ONECUT3: variants seen among roughly 807,000 people sequenced by gnomAD.
ONECUT3 encodes one cut homeobox 3.
ONECUT3 carries 11 observed loss-of-function variants against 16.8 expected under a neutral mutation model. The observed-to-expected ratio is 0.66, with a 90% CI of 0.41 to 1.09. The LOEUF is 1.09. Ranked by LOEUF, ONECUT3 falls within the 50% of genes least tolerant of loss-of-function variation. ONECUT3 has a pLI of 0.00. For missense variants in ONECUT3, 637 were observed against 629.9 expected (o/e 1.01, Z -0.12); for synonymous variants, 344 against 310.7 (o/e 1.11, Z -1.13).
intron 1 of ONECUT3, among the ~76,000 whole-genome samples, chr19:1,773,945 C>T (rs2068080998): frequency 6.6e-6 from 1 of 152,178 alleles, no homozygotes; most frequent in Non-Finnish European, 1.5e-5. Context: ...TTGCTTTTCT[C>T]CCCTTTGCAA....
At chr19:1,775,126 G>GGGCCGC in intron 1 of ONECUT3, 27 bp from the exon 2 acceptor site, 5 of 1,143,890 alleles carry the variant, frequency 4.4e-6, no homozygotes, top group Non-Finnish European at 4.8e-6. Context: ...TGTCCCGCTC[G>GGGCCGC]CCCGCCCGCC....
At chr19:1,760,075 C>A (rs955734611) in intron 1 of ONECUT3, among the ~76,000 whole-genome samples, 1 of 151,958 alleles carries the variant, frequency 6.6e-6, no homozygotes, top group Admixed American at 6.5e-5. Flanking sequence ...TGCCCACAGC[C>A]CTTCCCCTCC....
At chr19:1,757,373 T>G (rs745971052) in intron 1 of ONECUT3, among the ~76,000 whole-genome samples, 1 of 152,226 alleles carries the variant, frequency 6.6e-6, no homozygotes, top group Non-Finnish European at 1.5e-5. Flanking sequence ...GTCTCAGCTC[T>G]GGGAGTCTGG....
intron 1 of ONECUT3, among the ~76,000 whole-genome samples, chr19:1,769,094 ATG>A (rs1568599453): frequency 7.0e-4 from 56 of 80,286 alleles, no homozygotes; most frequent in African/African-American, 1.9e-3. Context: ...GGTGGAGGTG[ATG>A]GAGGAGGAGA....
chr19:1,753,866 G>A lies in ONECUT3; in HGVS notation c.204G>A (p.Ala68=). The A allele has an allele frequency of 1.0e-6, 1 of 977,046 alleles. No individual in the cohort carries two copies. The highest frequency in any genetic ancestry group is 1.2e-6 in the Non-Finnish European group (1 of 825,238). 60.5% of individuals were successfully genotyped at this position (977,046 alleles called of 1,614,324 possible). Residue 68 remains alanine, a synonymous_variant, in exon 1 of 2, where the codon GCG becomes GCA. Transcript: ENST00000382349. ...GGGGGGGAGG[A]GGAGSAGGGA... is the part of the protein sequence containing the mutation. ...GCGGCGGTGGGGGCGCCGGGGGCGC[G>A]GGCGGCGCGGGCAGCGCGGGCGGCG...
intron 1 of ONECUT3, among the ~76,000 whole-genome samples, chr19:1,765,307 C>T (rs1468258095): frequency 6.6e-6 from 1 of 152,198 alleles, no homozygotes; most frequent in African/African-American, 2.4e-5. Flanking sequence ...CTGGCGTCCA[C>T]TGGGATTCAG....
Position 1,768,313 on chromosome 19 carries a change from A to T in ONECUT3, c.1193-6840A>T, listed in dbSNP as rs573491814. On this transcript the variant is annotated intron_variant, in intron 1 of 1. Transcript: ENST00000382349. ...GGAGGGGACTTGGGGAAGAGCAACCAGGCAGAGAGAACCGTCGTGCAAAGG... is the reference window on the plus strand; with the variant it reads ...GGAGGGGACTTGGGGAAGAGCAACCTGGCAGAGAGAACCGTCGTGCAAAGG... Among the ~76,000 whole-genome samples, 20 of 152,226 alleles carry T rather than the reference A, an allele frequency of 1.3e-4. No homozygotes were observed. The South Asian group carries it at 3.9e-3, about 30-fold the overall frequency.
At chr19:1,774,646 T>C (rs2068087864) in intron 1 of ONECUT3, among the ~76,000 whole-genome samples, 1 of 146,188 alleles carries the variant, frequency 6.8e-6, no homozygotes, top group South Asian at 2.2e-4. Flanking sequence ...TCAATTTCTG[T>C]GGTCCTTTAG....
intron 1 of ONECUT3, among the ~76,000 whole-genome samples, chr19:1,770,413 G>A (rs1055678821): frequency 6.6e-6 from 1 of 151,944 alleles, no homozygotes; most frequent in African/African-American, 2.4e-5. Context: ...CTCCAGCCTG[G>A]GCGACACAGC....
At chr19:1,757,241 C>T (rs1003020321) in intron 1 of ONECUT3, among the ~76,000 whole-genome samples, 72 of 152,368 alleles carry the variant, frequency 4.7e-4, no homozygotes, top group Admixed American at 2.7e-3. Flanking sequence ...TGGGTGTTCG[C>T]TCCTGCCGAC....
In ONECUT3 at chr19:1,778,866, T is replaced by TCTCA. The variant is rs1286026306; in HGVS notation, c.*3422_*3423insTCAC. On this transcript the variant is annotated 3_prime_UTR_variant, in exon 2 of 2. Coordinates refer to ENST00000382349, the MANE Select transcript of ONECUT3 (RefSeq NM_001080488.2). The stretch of plus-strand genomic sequence containing the variant: ...TGGATCCTTTTCAGATATCTTCGTA[T>TCTCA]CACACACACACACACACACACACAC... 11 of 132,458 alleles carry TCTCA rather than the reference T, an allele frequency of 8.3e-5. No homozygotes were observed. Among genetic ancestry groups the TCTCA allele is most frequent in the South Asian group, 2.6e-4 (1 of 3,824 alleles). 8.2% of individuals were successfully genotyped at this position (132,458 alleles called of 1,614,324 possible).
chr19:1,772,546 T>C (rs1435350283), intron 1 of ONECUT3, among the ~76,000 whole-genome samples: 2 of 152,218 alleles, frequency 1.3e-5, no homozygotes, highest in Middle Eastern at 3.4e-3. Flanking sequence ...TATTTGATCA[T>C]CTCTTCCTCT....
At chr19:1,761,113 C>T (rs573313380) in intron 1 of ONECUT3, among the ~76,000 whole-genome samples, 8 of 143,200 alleles carry the variant, frequency 5.6e-5, no homozygotes, top group South Asian at 4.4e-4. Flanking sequence ...AGTGCAGTGG[C>T]GCAACCTCGG....
rs1568605766 is a variant in ONECUT3 at position 1,778,018 on chromosome 19, A to AAAAC, written c.*2573_*2574insAAAC. The AAAAC allele has an allele frequency of 6.8e-6, 1 of 146,396 alleles. No individual in the cohort carries two copies. The highest frequency in any genetic ancestry group is 1.5e-5 in the Non-Finnish European group (1 of 65,616). The allele number at this position is 146,396 out of a possible 1,614,324, so 9.1% of individuals were successfully genotyped here. A position where few individuals can be genotyped will look rare whatever the true frequency, so the allele number is the denominator to read the frequency against. The stretch of plus-strand genomic sequence containing the variant: ...CTCAAAAAAAAAAAAAAAAAAAAAA[A>AAAAC]CTTTAGGTCCAAGAAGATGCACCCC... On this transcript the variant is annotated 3_prime_UTR_variant, in exon 2 of 2. Transcript: ENST00000382349.
Position 1,758,381 on chromosome 19 carries a change from T to C in ONECUT3, c.1192+3527T>C, listed in dbSNP as rs73515177. 0.091 allele frequency among the ~76,000 whole-genome samples: 13,640 copies of C among 149,618 alleles called. 633 individuals carry two copies. Among genetic ancestry groups the C allele is most frequent in the African/African-American group, 0.12 (5,041 of 40,420 alleles). ...CTGGGTGCTGGAGGCTGCCTCTGTG[T>C]CCACCCCCGCCCTCCCACAGCCCCC... On this transcript the variant is annotated intron_variant, in intron 1 of 1. Transcript: ENST00000382349. This position sits in a 1 kb window ranked among gnomAD's most constrained non-coding sequence, Gnocchi z 5.9.
At position 1,755,290 on chromosome 19, in the gene ONECUT3, G is replaced by C. The variant is rs2067910784; in HGVS notation, c.1192+436G>C. ...GTGCCACTCCCCTCCTCCAGAGTGG[G>C]TGGAGAGGGGCTGTTGAGCCCCCAG... On this transcript the variant is annotated intron_variant, in intron 1 of 1. Coordinates refer to ENST00000382349, the MANE Select transcript of ONECUT3 (RefSeq NM_001080488.2). This position sits in a 1 kb window ranked among gnomAD's most constrained non-coding sequence, Gnocchi z 7.5. Among the ~76,000 whole-genome samples the C allele has an allele frequency of 6.6e-6, 1 of 152,188 alleles. No homozygotes were observed. The highest frequency in any genetic ancestry group is 2.1e-4 in the South Asian group (1 of 4,828).
In ONECUT3 at chr19:1,780,253, G is replaced by T. The variant is rs1202170351; in HGVS notation, c.*4808G>T. ...GAGTCCGCCTTTCTGTCCAGCCCGGGAGGCAGGGGGTGTACGCCTGCAGAG... is the reference window on the plus strand; with the variant it reads ...GAGTCCGCCTTTCTGTCCAGCCCGGTAGGCAGGGGGTGTACGCCTGCAGAG... On this transcript the variant is annotated 3_prime_UTR_variant, in exon 2 of 2. Coordinates refer to ENST00000382349, the MANE Select transcript of ONECUT3 (RefSeq NM_001080488.2). 6.6e-6 allele frequency: 1 copy of T among 151,926 alleles called. No homozygotes were observed. The highest frequency in any genetic ancestry group is 1.5e-5 in the Non-Finnish European group (1 of 68,030). The allele number at this position is 151,926 out of a possible 1,614,324, so 9.4% of individuals were successfully genotyped here.
chr19:1,758,318 AGAGAGAG>A lies in ONECUT3; in HGVS notation c.1192+3465_1192+3471del, dbSNP rs2067928410. 1.6e-4 allele frequency among the ~76,000 whole-genome samples: 8 copies of A among 48,902 alleles called. No individual in the cohort carries two copies. The highest frequency in any genetic ancestry group is 4.8e-4 in the African/African-American group (8 of 16,708). The allele number at this position is 48,902 out of a possible 152,430, so 32.1% of individuals were successfully genotyped here. ...GAGAGACCAAAAAAAAAAAAAAAAGAGAGAGAGAGAGAGAGAGACAGAGATGGGAGAG... is the reference window on the plus strand; with the variant it reads ...GAGAGACCAAAAAAAAAAAAAAAAGAAGAGAGAGAGACAGAGATGGGAGAG... On this transcript the variant is annotated intron_variant, in intron 1 of 1. Transcript: ENST00000382349. This position sits in a 1 kb window ranked among gnomAD's most constrained non-coding sequence, Gnocchi z 5.9.
chr19:1,761,809 G>C (rs2067947825), intron 1 of ONECUT3, among the ~76,000 whole-genome samples: 2 of 152,200 alleles, frequency 1.3e-5, no homozygotes, highest in Admixed American at 1.3e-4. Context: ...TGCCAAGTAG[G>C]TGCTAATGTG....
Sources: gnomAD v4.1 joint callset for allele counts (sites outside exome capture counted in the v4.1 genomes callset) on GRCh38, gnomAD v4.1.1 for gene constraint, Gnocchi (gnomAD v3.1) non-coding constraint, MANE v1.5 for transcripts, NCBI Gene and HGNC (gene_info 2026-07-23, HGNC 2026-07-21) for gene names.